GABRG3: variants seen among roughly 807,000 people sequenced by gnomAD.
The protein encoded by GABRG3 is gamma-aminobutyric acid receptor subunit gamma-3.
A neutral mutation model predicts 48.8 loss-of-function variants in GABRG3; 25 were observed. That is an observed-to-expected ratio of 0.51 (90% confidence interval 0.37 to 0.72). The LOEUF is 0.72. GABRG3 is among the 30% of genes least tolerant of loss of function. The probability of loss-of-function intolerance (pLI) is 0.00; values close to 1 mark genes in which losing one functional copy is unlikely to be tolerated. For synonymous variants in GABRG3, 227 were observed against 217.6 expected (o/e 1.04, Z -0.38); for missense variants, 394 against 577.9 (o/e 0.68, Z 3.26).
intron 2 of GABRG3, among the ~76,000 whole-genome samples, chr15:26,981,638 G>A (rs1297586593): frequency 6.6e-6 from 1 of 152,208 alleles, no homozygotes; most frequent in African/African-American, 2.4e-5. Context: ...TTGGCCAGGA[G>A]GGAAGTGGCA....
chr15:27,390,798 A>G (rs1896197984), intron 5 of GABRG3, among the ~76,000 whole-genome samples: 2 of 152,186 alleles, frequency 1.3e-5, no homozygotes, highest in South Asian at 4.1e-4. Context: ...TGATAAAAAG[A>G]CATAATCAGG....
At chr15:27,527,013 G>T (rs1383382285) in intron 7 of GABRG3, among the ~76,000 whole-genome samples, 3 of 152,202 alleles carry the variant, frequency 2.0e-5, no homozygotes, top group Non-Finnish European at 4.4e-5. Context: ...AGTGGTGCTG[G>T]AGCCGGGTCT....
intron 3 of GABRG3, among the ~76,000 whole-genome samples, chr15:27,141,512 A>G (rs1348899769): frequency 2.6e-5 from 4 of 152,148 alleles, no homozygotes. Flanking sequence ...AGGAGATGCA[A>G]AGGAAAGCTG....
chr15:27,238,199 A>G lies in GABRG3; in HGVS notation c.271-88610A>G, dbSNP rs151024107. ...TCAGTTATGTGATAAATGAGACGTC[A>G]GGATGAGGAATGTATGCTTCCCTAG... is the stretch of plus-strand genomic sequence containing the variant. On this transcript the variant is annotated intron_variant, in intron 3 of 9. Coordinates refer to ENST00000615808, the MANE Select transcript of GABRG3 (RefSeq NM_033223.5). 1.0e-3 allele frequency among the ~76,000 whole-genome samples: 105 copies of G among 100,148 alleles called. 1 individual carries two copies. The highest frequency in any genetic ancestry group is 2.8e-3 in the African/African-American group (104 of 37,686). 65.7% of individuals were successfully genotyped at this position (100,148 alleles called of 152,430 possible).
intron 2 of GABRG3, among the ~76,000 whole-genome samples, chr15:27,016,641 C>A (rs926077730): frequency 1.1e-4 from 17 of 152,072 alleles, no homozygotes; most frequent in African/African-American, 4.1e-4. Context: ...ATGTCCATTT[C>A]TTTCCTCAGA....
intron 7 of GABRG3, among the ~76,000 whole-genome samples, chr15:27,520,716 C>A (rs1891140387): frequency 6.7e-6 from 1 of 148,654 alleles, no homozygotes; most frequent in Admixed American, 6.8e-5. Context: ...TCCTTTCTGA[C>A]AGGAATTTTG....
chr15:27,492,311 A>G (rs1165600474), intron 6 of GABRG3, among the ~76,000 whole-genome samples: 1 of 152,246 alleles, frequency 6.6e-6, no homozygotes, highest in Admixed American at 6.5e-5. Flanking sequence ...TAATAAAGTC[A>G]CAGATAAAAG....
intron 6 of GABRG3, among the ~76,000 whole-genome samples, chr15:27,518,190 A>G (rs2150861351): frequency 7.7e-6 from 1 of 129,808 alleles, no homozygotes; most frequent in East Asian, 2.3e-4. Context: ...ACTCTACTAA[A>G]AATACAAAAA....
intron 5 of GABRG3, among the ~76,000 whole-genome samples, chr15:27,341,298 G>A (rs184612768): frequency 5.5e-4 from 84 of 152,190 alleles, no homozygotes; most frequent in Admixed American, 1.2e-3. Flanking sequence ...TTAATTGGGG[G>A]TAGAGAGTAA....
intron 3 of GABRG3, among the ~76,000 whole-genome samples, chr15:27,218,710 G>C (rs969290738): frequency 2.0e-5 from 3 of 152,130 alleles, no homozygotes; most frequent in Non-Finnish European, 4.4e-5. Context: ...TATGTGCTGG[G>C]TTTTTCATAT....
intron 3 of GABRG3, among the ~76,000 whole-genome samples, chr15:27,097,913 A>G (rs1897291838): frequency 6.6e-6 from 1 of 150,892 alleles, no homozygotes; most frequent in African/African-American, 2.5e-5. Context: ...ATTATTAGCT[A>G]ATTTTTTTCT....
At chr15:27,053,918 A>G (rs1896495962) in intron 3 of GABRG3, among the ~76,000 whole-genome samples, 1 of 152,216 alleles carries the variant, frequency 6.6e-6, no homozygotes, top group Admixed American at 6.5e-5. Context: ...TGGAAGCTAA[A>G]TTTTGGATAC....
At chr15:27,196,434 A>G (rs1888498709) in intron 3 of GABRG3, among the ~76,000 whole-genome samples, 2 of 151,996 alleles carry the variant, frequency 1.3e-5, no homozygotes, top group African/African-American at 4.8e-5. Context: ...CAGCCTTGCC[A>G]TTTCTTTGCT....
At chr15:27,031,012 A>T (rs1896075324) in intron 3 of GABRG3, among the ~76,000 whole-genome samples, 1 of 152,080 alleles carries the variant, frequency 6.6e-6, no homozygotes, top group African/African-American at 2.4e-5. Flanking sequence ...TTTACATAAA[A>T]ATTGAGCAGA....
chr15:27,510,209 G>A (rs1412616610), intron 6 of GABRG3, among the ~76,000 whole-genome samples: 1 of 152,186 alleles, frequency 6.6e-6, no homozygotes, highest in South Asian at 2.1e-4. Context: ...TGGATCAAGG[G>A]ATGGTGAGAT....
chr15:27,119,249 A>G (rs531463104), intron 3 of GABRG3, among the ~76,000 whole-genome samples: 14 of 152,300 alleles, frequency 9.2e-5, no homozygotes, highest in Admixed American at 5.9e-4. Flanking sequence ...AAGCATAAAC[A>G]TATGCCATTT....
chr15:27,435,493 C>T (rs1888583617), intron 5 of GABRG3, among the ~76,000 whole-genome samples: 1 of 152,088 alleles, frequency 6.6e-6, no homozygotes, highest in Non-Finnish European at 1.5e-5. Context: ...GGTGCACTGA[C>T]CCTGCTTCTG....
intron 5 of GABRG3, among the ~76,000 whole-genome samples, chr15:27,462,715 T>C (rs1276098402): frequency 6.6e-6 from 1 of 152,234 alleles, no homozygotes; most frequent in Non-Finnish European, 1.5e-5. Flanking sequence ...TACCACAATT[T>C]AGTATCCTAC....
At chr15:27,108,966 A>G (rs1897497948) in intron 3 of GABRG3, among the ~76,000 whole-genome samples, 1 of 152,136 alleles carries the variant, frequency 6.6e-6, no homozygotes, top group Admixed American at 6.5e-5. Flanking sequence ...ATAGGCAAAA[A>G]GGGAGAGAAA....
Sources: allele counts gnomAD v4.1 joint callset (sites outside exome capture counted in the v4.1 genomes callset), GRCh38; gene constraint gnomAD v4.1.1; transcripts MANE v1.5; gene names NCBI Gene and HGNC (gene_info 2026-07-23, HGNC 2026-07-21).